FNDC3A: variants seen among roughly 807,000 people sequenced by gnomAD.
FNDC3A encodes fibronectin type III domain containing 3A.
Under a neutral mutation model 148.9 loss-of-function variants are expected in FNDC3A, and 32 were observed. The observed-to-expected ratio is 0.21, with a 90% CI of 0.16 to 0.29. The LOEUF (loss-of-function observed/expected upper bound fraction) is 0.29, where lower values mean the gene tolerates loss of function less well. FNDC3A is among the 10% of genes least tolerant of loss of function. The pLI, the probability that FNDC3A is intolerant of heterozygous loss-of-function variation, is 1.00. For missense variants in FNDC3A, 1,191 were observed against 1,452.8 expected (o/e 0.82, Z 2.93); for synonymous variants, 472 against 473.6 (o/e 1.00, Z 0.04).
chr13:49,121,155 A>C (rs1381712531), intron 4 of FNDC3A, among the ~76,000 whole-genome samples: 1 of 152,252 alleles, frequency 6.6e-6, no homozygotes, highest in Non-Finnish European at 1.5e-5. Flanking sequence ...CTCTCAGGCC[A>C]CAGTGCAATC....
chr13:49,034,628 T>G (rs1279674150), intron 2 of FNDC3A, among the ~76,000 whole-genome samples: 1 of 152,072 alleles, frequency 6.6e-6, no homozygotes, highest in Non-Finnish European at 1.5e-5. Flanking sequence ...TTTGATATAT[T>G]GATGCAGTTT....
intron 2 of FNDC3A, among the ~76,000 whole-genome samples, chr13:49,059,274 A>C (rs1364525773): frequency 1.3e-5 from 2 of 152,244 alleles, no homozygotes; most frequent in African/African-American, 4.8e-5. Context: ...CTTAGAAGAC[A>C]ACATAGGGGT....
At chr13:49,172,763 A>G (rs189716724) in intron 11 of FNDC3A, among the ~76,000 whole-genome samples, 257 of 152,300 alleles carry the variant, frequency 1.7e-3, no homozygotes, top group Middle Eastern at 3.4e-3. Context: ...CCCACCTACC[A>G]TATAAGGTTA....
intron 2 of FNDC3A, among the ~76,000 whole-genome samples, chr13:49,052,135 C>T (rs1336196253): frequency 2.0e-5 from 3 of 152,080 alleles, no homozygotes; most frequent in African/African-American, 4.8e-5. Context: ...TTCTCTGATG[C>T]CTCCTTGATT....
At chr13:49,038,933 G>GA in intron 2 of FNDC3A, among the ~76,000 whole-genome samples, 1 of 152,138 alleles carries the variant, frequency 6.6e-6, no homozygotes, top group Non-Finnish European at 1.5e-5. Context: ...GAAGTTAGGG[G>GA]AAAAATACAG....
Position 49,150,674 on chromosome 13 carries a change from C to T in FNDC3A, c.977+4739C>T, listed in dbSNP as rs572031809. Among the ~76,000 whole-genome samples, 169 of 152,036 alleles carry T rather than the reference C, an allele frequency of 1.1e-3. 1 individual carries two copies. Among genetic ancestry groups the T allele is most frequent in the African/African-American group, 3.4e-3 (141 of 41,456 alleles). ...TTTTAAAATTTCTTGAGGCCGGGCA[C>T]GGTGGCTTACACCTCTAATCCCAGC... On this transcript the variant is annotated intron_variant, in intron 8 of 25. Transcript: ENST00000492622.
At chr13:49,175,016 A>G (rs536673875) in intron 12 of FNDC3A, among the ~76,000 whole-genome samples, 11 of 152,304 alleles carry the variant, frequency 7.2e-5, no homozygotes, top group Admixed American at 3.9e-4. Context: ...TACATTTTCT[A>G]TTTTATATAA....
intron 2 of FNDC3A, among the ~76,000 whole-genome samples, chr13:49,025,691 A>G (rs1172148988): frequency 6.6e-6 from 1 of 152,130 alleles, no homozygotes; most frequent in Admixed American, 6.6e-5. Context: ...AATTGGACTT[A>G]TTAAAAGTTT....
intron 14 of FNDC3A, among the ~76,000 whole-genome samples, chr13:49,184,425 A>G (rs1275700766): frequency 1.3e-5 from 2 of 152,216 alleles, no homozygotes; most frequent in Non-Finnish European, 1.5e-5. Context: ...GGAGGCTTTC[A>G]TTAAAGTGGT....
intron 3 of FNDC3A, among the ~76,000 whole-genome samples, chr13:49,103,424 GA>G (rs1394295962): frequency 6.6e-6 from 1 of 152,242 alleles, no homozygotes; most frequent in Non-Finnish European, 1.5e-5. Context: ...AGTTCATGTG[GA>G]AGCATAGTAG....
In FNDC3A at chr13:49,006,258, C is replaced by T; in HGVS notation, c.68C>T (p.Ala23Val). 6.2e-7 allele frequency: 1 copy of T among 1,607,940 alleles called. No individual in the cohort carries two copies. Among genetic ancestry groups the T allele is most frequent in the Non-Finnish European group, 8.5e-7 (1 of 1,175,186 alleles). Residue 23 changes from alanine to valine, a missense_variant, in exon 2 of 26, where the codon GCC (alanine) becomes GTC (valine). Transcript: ENST00000492622. ...AGTAGTGATATTTCTCTTTTGTCTGCCCCTATTGTAAGTGCAGATGGAACA... is the reference window on the plus strand; with the variant it reads ...AGTAGTGATATTTCTCTTTTGTCTGTCCCTATTGTAAGTGCAGATGGAACA... ...ILSSDISLLS[A>V]PIVSADGTQQ...
chr13:49,172,802 G>C (rs984434938), intron 11 of FNDC3A, among the ~76,000 whole-genome samples: 2 of 152,130 alleles, frequency 1.3e-5, no homozygotes, highest in African/African-American at 4.8e-5. Context: ...ATTGGGACCT[G>C]GATATTCATG....
intron 1 of FNDC3A, among the ~76,000 whole-genome samples, chr13:48,995,060 T>A (rs147290341): frequency 2.4e-4 from 36 of 152,252 alleles, no homozygotes; most frequent in African/African-American, 8.4e-4. Flanking sequence ...TGAGAAAATA[T>A]TTTCCAATTA....
rs146689504 is a variant in FNDC3A, at chr13:49,041,377, T to G, written c.100-33912T>G. Among the ~76,000 whole-genome samples, 320 of 152,372 alleles carry G rather than the reference T, an allele frequency of 2.1e-3. 1 individual carries two copies. The highest frequency in any genetic ancestry group is 7.1e-3 in the African/African-American group (296 of 41,592). The stretch of plus-strand genomic sequence containing the variant: ...GGCGGTTAGTTTTGTCTATTTTGTT[T>G]ACTACTCTATCCCAATTATCTAGCA... On this transcript the variant is annotated intron_variant, in intron 2 of 25. Coordinates refer to ENST00000492622, the MANE Select transcript of FNDC3A (RefSeq NM_001079673.2).
intron 1 of FNDC3A, among the ~76,000 whole-genome samples, chr13:48,979,125 C>G (rs1334198595): frequency 6.6e-6 from 1 of 152,100 alleles, no homozygotes; most frequent in Non-Finnish European, 1.5e-5. Flanking sequence ...CACCCATTAC[C>G]AGTCCTTGGG....
At chr13:48,976,426 C>G (rs1175164226) in intron 1 of FNDC3A, among the ~76,000 whole-genome samples, 1 of 152,188 alleles carries the variant, frequency 6.6e-6, no homozygotes. Context: ...CGGGGCCGAG[C>G]CTAGCCAGGA....
intron 4 of FNDC3A, among the ~76,000 whole-genome samples, chr13:49,124,043 T>A (rs2137905278): frequency 6.6e-6 from 1 of 152,296 alleles, no homozygotes; most frequent in South Asian, 2.1e-4. Flanking sequence ...CATGCACATG[T>A]ATGTTTATTG....
At chr13:49,001,889 T>C (rs982761622) in intron 1 of FNDC3A, among the ~76,000 whole-genome samples, 1 of 152,158 alleles carries the variant, frequency 6.6e-6, no homozygotes, top group African/African-American at 2.4e-5. Context: ...TGATATCTTA[T>C]TACCTTGTGA....
chr13:49,189,010 A>G (rs1885737208), intron 17 of FNDC3A, among the ~76,000 whole-genome samples: 1 of 152,254 alleles, frequency 6.6e-6, no homozygotes, highest in Non-Finnish European at 1.5e-5. Context: ...ATCATAAAAT[A>G]GTATCTGCTG....
Sources: allele counts gnomAD v4.1 joint callset (sites outside exome capture counted in the v4.1 genomes callset), GRCh38; gene constraint gnomAD v4.1.1; transcripts MANE v1.5; gene names NCBI Gene and HGNC (gene_info 2026-07-23, HGNC 2026-07-21).